The following C9orf50 variants were observed in gnomAD, a reference collection of about 807,000 sequenced individuals.
The protein encoded by C9orf50 is chromosome 9 open reading frame 50.
Under a neutral mutation model 42.5 loss-of-function variants are expected in C9orf50, and 33 were observed. The ratio of observed to expected loss-of-function variants is 0.78; its 90% CI spans 0.59 to 1.04. The LOEUF is 1.04. C9orf50 is among the 50% of genes least tolerant of loss of function. The probability of loss-of-function intolerance (pLI) is 0.00; values close to 1 mark genes in which losing one functional copy is unlikely to be tolerated. For missense variants in C9orf50, 547 were observed against 594.3 expected (o/e 0.92, Z 0.83); for synonymous variants, 257 against 273.4 (o/e 0.94, Z 0.59).
chr9:129,619,531 T>C (rs1262274826), exon 3 of C9orf50: 1 of 1,613,624 alleles, frequency 6.2e-7, no homozygotes, highest in Admixed American at 1.7e-5. Context: ...GGTTGGCCTT[T>C]CTGACAGTGG....
upstream of C9orf50, chr9:129,620,820 T>C: frequency 2.6e-6 from 1 of 382,258 alleles, no homozygotes. This position sits in a 1 kb window ranked among gnomAD's most constrained non-coding sequence, Gnocchi z 5.8. Context: ...CTGTGACGTT[T>C]AAATGAGCAA....
At chr9:129,616,897 C>T (rs567856618) in intron 3 of C9orf50, among the ~76,000 whole-genome samples, 1 of 152,128 alleles carries the variant, frequency 6.6e-6, no homozygotes, top group South Asian at 2.1e-4. Context: ...ATGGTGAAAC[C>T]CCCGTCTCTA....
chr9:129,621,161 C>T (rs1830690832), upstream of C9orf50, among the ~76,000 whole-genome samples: 1 of 152,220 alleles, frequency 6.6e-6, no homozygotes, highest in Non-Finnish European at 1.5e-5. Context: ...CATTAGCGCT[C>T]TACTGGGAAT....
At chr9:129,619,577 A>G (rs1830567687) in exon 3 of C9orf50, 1 of 1,614,014 alleles carries the variant, frequency 6.2e-7, no homozygotes, top group Admixed American at 1.7e-5. Context: ...GGGCCCCAGA[A>G]TAGGTGTCTG....
Position 129,613,814 on chromosome 9 carries a change from A to G in C9orf50, c.881-217T>C, listed in dbSNP as rs1389676644. Among the ~76,000 whole-genome samples the G allele has an allele frequency of 1.3e-5, 2 of 151,990 alleles. No individual in the cohort carries two copies. Among genetic ancestry groups the G allele is most frequent in the African/African-American group, 4.8e-5 (2 of 41,344 alleles). ...TTATACCCAAGCTGTGCCCCTGCGC[A>G]CCCCCACTCACGCTGCAGCCGGAAG... On this transcript the variant is annotated intron_variant, in intron 4 of 6. Coordinates refer to ENST00000372478, the Ensembl canonical transcript of C9orf50. The surrounding 1 kb of genome is among the most constrained non-coding windows in gnomAD (Gnocchi z 6.2).
At chr9:129,619,916 C>A (rs1262686752) in intron 1 of C9orf50, 86 bp from the exon 2 acceptor site, 6 of 1,524,748 alleles carry the variant, frequency 3.9e-6, no homozygotes, top group Admixed American at 3.5e-5. Context: ...GCAGACCAGC[C>A]CTCAAGGACG....
In C9orf50 at chr9:129,613,252, C is replaced by G. The variant is rs756420695; in HGVS notation, c.1044-1G>C. On this transcript the variant is annotated splice_acceptor_variant, in intron 5 of 6. Transcript: ENST00000372478. LOFTEE classifies it high-confidence loss of function. The surrounding 1 kb of genome is among the most constrained non-coding windows in gnomAD (Gnocchi z 6.2). Reference sequence around the variant, plus strand: ...GTAGCCCTGTGTCTTCTGGGTGGACCTGGGGGAGACAGGACCCCATGAGCT... The same window carrying G: ...GTAGCCCTGTGTCTTCTGGGTGGACGTGGGGGAGACAGGACCCCATGAGCT... The G allele has an allele frequency of 3.7e-5, 59 of 1,601,272 alleles. No individual in the cohort carries two copies. The East Asian group carries it at 1.3e-3, about 36-fold the overall frequency.
At chr9:129,612,579 T>C (rs908344430) in intron 6 of C9orf50, 125 bp from the exon 7 acceptor site, 13 of 728,112 alleles carry the variant, frequency 1.8e-5, no homozygotes, top group Non-Finnish European at 3.0e-5. Flanking sequence ...TTTTAAAAGA[T>C]GAGGAAACAA....
At chr9:129,616,163 A>G (rs1830367104) in intron 3 of C9orf50, among the ~76,000 whole-genome samples, 1 of 152,192 alleles carries the variant, frequency 6.6e-6, no homozygotes, top group Non-Finnish European at 1.5e-5. Context: ...ACAAGCATCC[A>G]GCCCAGGGTC....
chr9:129,621,872 T>G (rs1160499165), upstream of C9orf50, among the ~76,000 whole-genome samples: 1 of 152,154 alleles, frequency 6.6e-6, no homozygotes, highest in Non-Finnish European at 1.5e-5. Flanking sequence ...CCTGTGAGTT[T>G]AGAGCTCTCT....
upstream of C9orf50, chr9:129,620,876 C>A: frequency 3.1e-6 from 1 of 321,178 alleles, no homozygotes; most frequent in East Asian, 4.9e-5. This position sits in a 1 kb window ranked among gnomAD's most constrained non-coding sequence, Gnocchi z 5.8. Flanking sequence ...GTGCCAGGCA[C>A]GCTGGCCAAG....
chr9:129,615,613 C>T (rs1435203387), exon 4 of C9orf50: 2 of 1,597,412 alleles, frequency 1.3e-6, no homozygotes, highest in Non-Finnish European at 1.7e-6. Flanking sequence ...GTCAGCGCAG[C>T]CTTGAGCCTG....
chr9:129,615,728 A>G, intron 3 of C9orf50, 81 bp from the exon 4 acceptor site: 2 of 1,421,242 alleles, frequency 1.4e-6, no homozygotes, highest in Non-Finnish European at 1.9e-6. Flanking sequence ...ACTCGCTGTG[A>G]GATCCTGGAC....
At chr9:129,617,427 C>T (rs1395727580) in intron 3 of C9orf50, among the ~76,000 whole-genome samples, 1 of 152,206 alleles carries the variant, frequency 6.6e-6, no homozygotes, top group Non-Finnish European at 1.5e-5. Context: ...CATCTTCACT[C>T]GAGGGCCACT....
intron 1 of C9orf50, 92 bp downstream of exon 1, chr9:129,619,975 C>T (rs1440199332): frequency 3.4e-6 from 5 of 1,473,232 alleles, no homozygotes; most frequent in Non-Finnish European, 4.6e-6. Flanking sequence ...TCCTTCTAGC[C>T]TGGGTGGTGG....
chr9:129,615,330 AAGGAGGCCAGTTC>A (rs1830309979), intron 4 of C9orf50, among the ~76,000 whole-genome samples, 141 bp downstream of exon 4: 1 of 152,170 alleles, frequency 6.6e-6, no homozygotes, highest in Non-Finnish European at 1.5e-5. Flanking sequence ...GACATCCTCC[AAGGAGGCCAGTTC>A]AGGCACATCC....
intron 3 of C9orf50, among the ~76,000 whole-genome samples, chr9:129,617,175 A>G (rs868652211): frequency 6.6e-6 from 1 of 152,264 alleles, no homozygotes; most frequent in Non-Finnish European, 1.5e-5. Context: ...GTTAGTATGC[A>G]CATAGTTATA....
Position 129,620,598 on chromosome 9 carries a change from C to T in C9orf50, c.-24G>A. 1 of 1,316,508 alleles carries T rather than the reference C, an allele frequency of 7.6e-7. No homozygotes were observed. The highest frequency in any genetic ancestry group is 9.7e-7 in the Non-Finnish European group (1 of 1,031,958). The allele number at this position is 1,316,508 out of a possible 1,614,324, so 81.6% of individuals were successfully genotyped here. ...ATGCTTGGCCCCGCACTCAGCTCAC[C>T]GCACCCTCAGCGCGCGTGGGTGGGG... On this transcript the variant is annotated 5_prime_UTR_variant, in exon 1 of 7. Coordinates refer to ENST00000372478, the Ensembl canonical transcript of C9orf50. This position sits in a 1 kb window ranked among gnomAD's most constrained non-coding sequence, Gnocchi z 5.8.
Position 129,620,547 on chromosome 9 carries a change from C to G in C9orf50, c.28G>C (p.Ala10Pro). Reference sequence around the variant, plus strand: ...AGCCCCTTGGGCGCCAGGTCCTGGGCCCCTGGGCGAAGTCGACGCCAGAAC... The same window carrying G: ...AGCCCCTTGGGCGCCAGGTCCTGGGGCCCTGGGCGAAGTCGACGCCAGAAC... The change falls in exon 1 of 7, where the codon GCC becomes CCC. Residue 10 changes from alanine to proline, a missense_variant. By Grantham distance (27) the Ala-to-Pro change is conservative. Around this residue, in one of 3 missense-constraint regions of C9orf50, gnomAD observed 105 missense variants for 98.5 expected, o/e 1.07. Coordinates refer to ENST00000372478, the Ensembl canonical transcript of C9orf50. The surrounding 1 kb of genome is among the most constrained non-coding windows in gnomAD (Gnocchi z 5.8). 1 of 1,402,500 alleles carries G rather than the reference C, an allele frequency of 7.1e-7. No individual in the cohort carries two copies. The allele number at this position is 1,402,500 out of a possible 1,614,324, so 86.9% of individuals were successfully genotyped here.
Sources: allele counts gnomAD v4.1 joint callset (sites outside exome capture counted in the v4.1 genomes callset), GRCh38; gene constraint gnomAD v4.1.1; regional missense constraint gnomAD v4.1.1; non-coding constraint Gnocchi (gnomAD v3.1); transcripts MANE v1.5; gene names NCBI Gene and HGNC (gene_info 2026-07-23, HGNC 2026-07-21).